The following SLC47A1 variants were observed in gnomAD, a reference collection of about 807,000 sequenced individuals.
SLC47A1 encodes the protein multidrug and toxin extrusion protein 1.
Under a neutral mutation model 65.8 loss-of-function variants are expected in SLC47A1, and 58 were observed. The ratio of observed to expected loss-of-function variants is 0.88; its 90% CI spans 0.71 to 1.10. SLC47A1 has a LOEUF of 1.10. Ranked by LOEUF, SLC47A1 falls within the 50% of genes least tolerant of loss-of-function variation. SLC47A1 has a pLI of 0.00. For missense variants in SLC47A1, 706 were observed against 719.2 expected (o/e 0.98, Z 0.21); for synonymous variants, 285 against 295.0 (o/e 0.97, Z 0.35).
At chr17:19,539,144 C>G (rs1597492243) in intron 1 of SLC47A1, among the ~76,000 whole-genome samples, 1 of 152,172 alleles carries the variant, frequency 6.6e-6, no homozygotes, top group East Asian at 1.9e-4. Context: ...CTCCTGGGCT[C>G]AAGCAGTCCT....
At position 19,571,364 on chromosome 17, in the gene SLC47A1, G is replaced by A. The variant is rs2084398267; in HGVS notation, c.1310-114G>A. Reference sequence around the variant, plus strand: ...CTGGCCCGCTGTGGGCTCCACCTCAGCCATGAAAGCAGATATTCAGTATGG... The same window carrying A: ...CTGGCCCGCTGTGGGCTCCACCTCAACCATGAAAGCAGATATTCAGTATGG... On this transcript the variant is annotated intron_variant, in intron 14 of 16. Transcript: ENST00000270570. The A allele has an allele frequency of 5.9e-6, 5 of 850,298 alleles. No homozygotes were observed. In the South Asian group the frequency reaches 8.8e-5, roughly 15 times the overall value. The allele number at this position is 850,298 out of a possible 1,614,324, so 52.7% of individuals were successfully genotyped here. A position where few individuals can be genotyped will look rare whatever the true frequency, so the allele number is the denominator to read the frequency against.
intron 1 of SLC47A1, among the ~76,000 whole-genome samples, chr17:19,542,055 G>A (rs1288120273): frequency 6.6e-6 from 1 of 152,166 alleles, no homozygotes; most frequent in Non-Finnish European, 1.5e-5. Flanking sequence ...AACCTGGGAG[G>A]CGGAGGTTGC....
intron 2 of SLC47A1, among the ~76,000 whole-genome samples, chr17:19,545,949 G>A (rs1218831710): frequency 1.3e-5 from 2 of 152,078 alleles, no homozygotes; most frequent in African/African-American, 2.4e-5. Flanking sequence ...TAGGCCGCGC[G>A]CTGTGGCTCA....
chr17:19,564,709 T>C (rs754176885), intron 12 of SLC47A1: 1 of 152,420 alleles, frequency 6.6e-6, no homozygotes, highest in Admixed American at 6.5e-5. Flanking sequence ...TCTTGTTCAG[T>C]GCTGGATTTC....
At chr17:19,536,141 G>T (rs1040307174) in intron 1 of SLC47A1, among the ~76,000 whole-genome samples, 1 of 151,888 alleles carries the variant, frequency 6.6e-6, no homozygotes, top group Non-Finnish European at 1.5e-5. Context: ...TCCCTGTGTT[G>T]CCCATTGCTT....
At chr17:19,574,283 T>G (rs2084422546) in intron 16 of SLC47A1, among the ~76,000 whole-genome samples, 1 of 152,040 alleles carries the variant, frequency 6.6e-6, no homozygotes, top group Middle Eastern at 3.4e-3. Context: ...TACAGAGAGG[T>G]TTGCCAGGGC....
Position 19,560,354 on chromosome 17 carries a change from C to G in SLC47A1, c.1030+58C>G, listed in dbSNP as rs1348242626. 10 of 1,607,500 alleles carry G rather than the reference C, an allele frequency of 6.2e-6. No individual in the cohort carries two copies. In the East Asian group the frequency reaches 2.0e-4, roughly 32 times the overall value. On this transcript the variant is annotated intron_variant, in intron 11 of 16. Transcript: ENST00000270570. Reference sequence around the variant, plus strand: ...GCAGTCTCTGCATGCAAAACCCAGGCTCCTCCACTTCCTGTGGATCTTCTT... The same window carrying G: ...GCAGTCTCTGCATGCAAAACCCAGGGTCCTCCACTTCCTGTGGATCTTCTT...
In SLC47A1 at chr17:19,577,404, C is replaced by T. The variant is rs1453649762; in HGVS notation, c.1564C>T (p.Arg522Cys). 11 of 1,614,044 alleles carry T rather than the reference C, an allele frequency of 6.8e-6. No homozygotes were observed. Among genetic ancestry groups the T allele is most frequent in the Admixed American group, 1.7e-5 (1 of 59,996 alleles). The change falls in exon 17 of 17, where the codon CGC becomes TGC. Residue 522 changes from arginine to cysteine, a missense_variant. Physicochemically the swap from Arg to Cys is radical, Grantham distance 180. Coordinates refer to ENST00000270570, the MANE Select transcript of SLC47A1 (RefSeq NM_018242.3). ...TGEPQSDQQM[R>C]QEEPLPEHPQ... The stretch of plus-strand genomic sequence containing the variant: ...CGAGCCTCAGTCAGATCAGCAGATG[C>T]GCCAAGAAGAACCTTTGCCGGAACA...
chr17:19,568,453 AAT>A (rs2084376367), intron 14 of SLC47A1, among the ~76,000 whole-genome samples: 1 of 152,218 alleles, frequency 6.6e-6, no homozygotes, highest in African/African-American at 2.4e-5. Context: ...TATGTAACAC[AAT>A]ATGTCTAAAA....
At chr17:19,548,614 C>T (rs529312104) in intron 4 of SLC47A1, among the ~76,000 whole-genome samples, 1 of 152,008 alleles carries the variant, frequency 6.6e-6, no homozygotes, top group Non-Finnish European at 1.5e-5. Flanking sequence ...ATTCTCCTGC[C>T]TCAGGCTCCC....
At chr17:19,565,685 A>C (rs1217921608) in intron 12 of SLC47A1, among the ~76,000 whole-genome samples, 1 of 142,680 alleles carries the variant, frequency 7.0e-6, no homozygotes. Flanking sequence ...GGTTCACGCC[A>C]TTCTCCTGTC....
chr17:19,563,100 C>G (rs1352212964), intron 12 of SLC47A1, among the ~76,000 whole-genome samples: 2 of 147,004 alleles, frequency 1.4e-5, no homozygotes, highest in African/African-American at 5.0e-5. Context: ...GTCTAAATAA[C>G]TGATTTCCTG....
intron 7 of SLC47A1, 63 bp from the exon 8 acceptor site, chr17:19,555,530 A>G (rs987187739): frequency 2.2e-5 from 33 of 1,530,736 alleles, no homozygotes; most frequent in Non-Finnish European, 2.7e-5. Flanking sequence ...TCCCCTCCTC[A>G]CTGAGTTGGG....
rs537977739 is a variant in SLC47A1, at chr17:19,539,180, C to A, written c.136-3213C>A. Among the ~76,000 whole-genome samples, 25 of 151,978 alleles carry A rather than the reference C, an allele frequency of 1.6e-4. No homozygotes were observed. The East Asian group carries it at 3.7e-3, about 23-fold the overall frequency. ...CTTGCCTCAGCCTCCCCAAGTGCTGCGATTGCAGGGATAAGCCACCGTGCC... is the reference window on the plus strand; with the variant it reads ...CTTGCCTCAGCCTCCCCAAGTGCTGAGATTGCAGGGATAAGCCACCGTGCC... On this transcript the variant is annotated intron_variant, in intron 1 of 16. Transcript: ENST00000270570.
At chr17:19,568,352 G>A (rs2084375783) in intron 14 of SLC47A1, among the ~76,000 whole-genome samples, 1 of 152,146 alleles carries the variant, frequency 6.6e-6, no homozygotes, top group African/African-American at 2.4e-5. Context: ...CTGAGTTTCT[G>A]GTGCGATTCA....
chr17:19,540,490 A>T (rs1395472350), intron 1 of SLC47A1, among the ~76,000 whole-genome samples: 1 of 152,176 alleles, frequency 6.6e-6, no homozygotes, highest in African/African-American at 2.4e-5. Context: ...ATGAATTCAC[A>T]ATTTAAAGAG....
chr17:19,566,688 G>T (rs557769779), intron 12 of SLC47A1, 102 bp from the exon 13 acceptor site: 2 of 1,055,660 alleles, frequency 1.9e-6, no homozygotes, highest in African/African-American at 3.1e-5. Context: ...GCCTCCCAAA[G>T]TGCTGAGATT....
chr17:19,567,377 C>T (rs1420420174), intron 14 of SLC47A1, 149 bp downstream of exon 14: 11 of 1,210,824 alleles, frequency 9.1e-6, no homozygotes, highest in Non-Finnish European at 1.2e-5. Context: ...GTGTAGGGGG[C>T]GTTCAGGAGG....
intron 10 of SLC47A1, chr17:19,557,217 G>C (rs1916641047): frequency 1.9e-5 from 3 of 158,042 alleles, no homozygotes; most frequent in Admixed American, 1.8e-4. Context: ...TTAAAACATA[G>C]AGTACACATT....
Sources: gnomAD v4.1 joint callset for allele counts (sites outside exome capture counted in the v4.1 genomes callset) on GRCh38, gnomAD v4.1.1 for gene constraint, MANE v1.5 for transcripts, NCBI Gene and HGNC (gene_info 2026-07-23, HGNC 2026-07-21) for gene names.